The following TANC2 variants were observed in gnomAD, a reference collection of about 807,000 sequenced individuals.
TANC2 encodes the protein protein TANC2.
A neutral mutation model predicts 210.5 loss-of-function variants in TANC2; 26 were observed. The ratio of observed to expected loss-of-function variants is 0.12; its 90% confidence interval spans 0.09 to 0.17. TANC2 has a LOEUF of 0.17. Among genes scored for constraint, TANC2 ranks in the 10% least tolerant of loss-of-function variants. The pLI is 1.00. For missense variants in TANC2, 2,129 were observed against 2,608.9 expected, an observed-to-expected ratio of 0.82 and a Z score of 4.01; for synonymous variants, 931 against 967.1, an observed-to-expected ratio of 0.96 and a Z score of 0.69.
chr17:63,159,685 A>G (rs2039958031), intron 5 of TANC2, among the ~76,000 whole-genome samples: 1 of 152,338 alleles, frequency 6.6e-6, no homozygotes. Flanking sequence ...TAAGTAACCT[A>G]GAAATGATTT....
intron 9 of TANC2, among the ~76,000 whole-genome samples, chr17:63,270,440 A>G (rs2043664743): frequency 1.3e-5 from 2 of 152,198 alleles, no homozygotes; most frequent in Admixed American, 1.3e-4. Context: ...TTTTAAAAAC[A>G]TGTCACATCA....
chr17:63,221,716 T>A (rs1270809400), intron 7 of TANC2, among the ~76,000 whole-genome samples: 1 of 152,234 alleles, frequency 6.6e-6, no homozygotes, highest in Non-Finnish European at 1.5e-5. Flanking sequence ...GATATCACTG[T>A]ATACCTAGTA....
At chr17:63,338,702 A>G (rs1181137229) in intron 11 of TANC2, among the ~76,000 whole-genome samples, 1 of 152,232 alleles carries the variant, frequency 6.6e-6, no homozygotes, top group Non-Finnish European at 1.5e-5. Context: ...GGAGATTTTT[A>G]AAATACAACC....
intron 4 of TANC2, among the ~76,000 whole-genome samples, chr17:63,107,349 T>C (rs1042791189): frequency 6.6e-6 from 1 of 151,686 alleles, no homozygotes; most frequent in Non-Finnish European, 1.5e-5. Flanking sequence ...GAGAAAAGGA[T>C]AGTATTATTT....
chr17:63,090,258 A>G (rs1193679592), intron 3 of TANC2, among the ~76,000 whole-genome samples: 1 of 147,992 alleles, frequency 6.8e-6, no homozygotes, highest in Admixed American at 6.8e-5. Context: ...ACATGTGCAC[A>G]ATGTGCAGGT....
chr17:63,178,713 A>G (rs1284617502), intron 5 of TANC2, among the ~76,000 whole-genome samples: 1 of 152,252 alleles, frequency 6.6e-6, no homozygotes, highest in Non-Finnish European at 1.5e-5. Context: ...GATGAGAATA[A>G]GCAGTTTATA....
At chr17:63,323,947 A>G (rs1474461520) in intron 11 of TANC2, among the ~76,000 whole-genome samples, 1 of 152,222 alleles carries the variant, frequency 6.6e-6, no homozygotes, top group African/African-American at 2.4e-5. Context: ...TGAGGCAGGC[A>G]AAGTCTATAC....
intron 11 of TANC2, among the ~76,000 whole-genome samples, chr17:63,339,784 T>G (rs2046166458): frequency 6.6e-6 from 1 of 152,208 alleles, no homozygotes; most frequent in Non-Finnish European, 1.5e-5. Context: ...TCAATGTAAG[T>G]CTTTATTTTC....
chr17:63,293,389 T>C (rs1295930476), intron 9 of TANC2, among the ~76,000 whole-genome samples: 1 of 152,194 alleles, frequency 6.6e-6, no homozygotes, highest in East Asian at 1.9e-4. Context: ...AAGCCCCAAA[T>C]TATCTTTTGC....
chr17:63,405,082 C>A, intron 19 of TANC2, 40 bp from the exon 20 acceptor site: 2 of 1,559,436 alleles, frequency 1.3e-6, no homozygotes, highest in Non-Finnish European at 1.8e-6. Flanking sequence ...CTGGAGAGGA[C>A]CAGAACCACC....
Position 63,382,913 on chromosome 17 carries a change from G to A in TANC2, c.2691+3087G>A, listed in dbSNP as rs2047659072. The stretch of plus-strand genomic sequence containing the variant: ...TCTTTGAGATTTCTCTATAGATGTA[G>A]GTCAGTGATTTTCAACTCTGGCTAT... On this transcript the variant is annotated intron_variant, in intron 15 of 27. Coordinates refer to ENST00000689528, the Ensembl canonical transcript of TANC2. 2.0e-5 allele frequency among the ~76,000 whole-genome samples: 3 copies of A among 152,050 alleles called. No homozygotes were observed. In the South Asian group the frequency reaches 6.2e-4, roughly 32 times the overall value.
intron 13 of TANC2, among the ~76,000 whole-genome samples, chr17:63,352,705 A>C (rs1003993415): frequency 6.6e-6 from 1 of 152,170 alleles, no homozygotes; most frequent in African/African-American, 2.4e-5. Context: ...AAAGTACTTC[A>C]ACTAAGAATT....
intron 4 of TANC2, among the ~76,000 whole-genome samples, chr17:63,124,693 C>T (rs555943540): frequency 2.0e-5 from 3 of 152,256 alleles, no homozygotes; most frequent in African/African-American, 7.2e-5. Context: ...AGTACCAGTC[C>T]GTGGCCTATT....
chr17:63,264,411 G>T (rs1055955390), intron 8 of TANC2, among the ~76,000 whole-genome samples: 1 of 152,148 alleles, frequency 6.6e-6, no homozygotes. Flanking sequence ...TTGGGGAGCA[G>T]CAAATGCAGA....
At chr17:63,250,489 A>G (rs2043029038) in intron 8 of TANC2, among the ~76,000 whole-genome samples, 1 of 152,078 alleles carries the variant, frequency 6.6e-6, no homozygotes, top group African/African-American at 2.4e-5. Context: ...GTAGGAACGT[A>G]TGTGTCCCTA....
intron 15 of TANC2, among the ~76,000 whole-genome samples, chr17:63,380,770 T>C (rs2047582005): frequency 6.6e-6 from 1 of 152,216 alleles, no homozygotes. Flanking sequence ...TTCAAGAGCC[T>C]AGCAAATTCT....
At chr17:63,295,221 C>G (rs1378726893) in intron 9 of TANC2, among the ~76,000 whole-genome samples, 2 of 152,114 alleles carry the variant, frequency 1.3e-5, no homozygotes, top group East Asian at 3.9e-4. Flanking sequence ...GTTGTTTTGC[C>G]ATATGGTACT....
intron 2 of TANC2, among the ~76,000 whole-genome samples, chr17:63,063,838 C>T (rs1396059579): frequency 6.6e-6 from 1 of 152,096 alleles, no homozygotes; most frequent in Admixed American, 6.6e-5. Context: ...GTTCCACTGC[C>T]ACTACCTTTT....
At chr17:63,355,284 C>A in exon 14 of TANC2, 1 of 1,613,244 alleles carries the variant, frequency 6.2e-7, no homozygotes, top group Non-Finnish European at 8.5e-7. Context: ...CTCCATGTTC[C>A]TAATCAAGCG....
Sources: gnomAD v4.1 joint callset for allele counts (sites outside exome capture counted in the v4.1 genomes callset) on GRCh38, gnomAD v4.1.1 for gene constraint, MANE v1.5 for transcripts, NCBI Gene and HGNC (gene_info 2026-07-23, HGNC 2026-07-21) for gene names.